Variants in IFT122 observed in about 807,000 individuals in gnomAD.
The protein encoded by IFT122 is intraflagellar transport 122.
A neutral mutation model predicts 161.6 loss-of-function variants in IFT122; 118 were observed. The observed-to-expected ratio is 0.73, with a 90% confidence interval of 0.63 to 0.85. The LOEUF is 0.85. IFT122 is among the 40% of genes least tolerant of loss of function. IFT122 has a pLI of 0.00. For synonymous variants in IFT122, 550 were observed against 602.4 expected, an observed-to-expected ratio of 0.91 and a Z score of 1.27; for missense variants, 1,381 against 1,579.6, an observed-to-expected ratio of 0.87 and a Z score of 2.13.
intron 18 of IFT122, among the ~76,000 whole-genome samples, chr3:129,499,631 A>C (rs907424630): frequency 3.9e-5 from 6 of 152,224 alleles, no homozygotes; most frequent in African/African-American, 1.4e-4. Flanking sequence ...CGATGAACAA[A>C]TGCCCATTTG....
rs750912015 is a variant in IFT122, at chr3:129,504,399, T to C, written c.2628T>C (p.Asp876=). 1.1e-5 allele frequency: 18 copies of C among 1,613,906 alleles called. No individual in the cohort carries two copies. Among genetic ancestry groups the C allele is most frequent in the Non-Finnish European group, 1.4e-5 (17 of 1,179,900 alleles). The change falls in exon 21 of 30, where the codon GAT becomes GAC. Residue 876 remains aspartate, a synonymous_variant. Transcript: ENST00000348417. ...MPYAQWLAEN[D]RFEEAQKAFH... The stretch of plus-strand genomic sequence containing the variant: ...ATGCTCAGTGGCTAGCAGAGAACGA[T>C]CGCTTTGAGGAAGCCCAGAAAGGTA...
intron 24 of IFT122, chr3:129,514,114 A>G (rs2083172017): frequency 5.8e-6 from 3 of 517,030 alleles, no homozygotes; most frequent in South Asian, 1.8e-5. Context: ...TAGTCAGGGT[A>G]TAAGATGAGC....
At chr3:129,490,672 C>T (rs992313397) in intron 16 of IFT122, among the ~76,000 whole-genome samples, 5 of 152,198 alleles carry the variant, frequency 3.3e-5, no homozygotes, top group African/African-American at 1.2e-4. Flanking sequence ...AGGCTCAGAG[C>T]GAGGACTCAG....
At chr3:129,481,788 C>A in intron 14 of IFT122, 94 bp downstream of exon 14, 1 of 1,409,264 alleles carries the variant, frequency 7.1e-7, no homozygotes, top group Non-Finnish European at 1.0e-6. Flanking sequence ...CTGCTCTGGC[C>A]CAGGCAGGTC....
chr3:129,514,853 C>G, intron 25 of IFT122: 1 of 518,056 alleles, frequency 1.9e-6, no homozygotes, highest in Non-Finnish European at 3.5e-6. Flanking sequence ...GCCCAGGTGG[C>G]TCTGCCTTTA....
chr3:129,454,149 T>C (rs978376216), intron 3 of IFT122, among the ~76,000 whole-genome samples: 2 of 152,184 alleles, frequency 1.3e-5, no homozygotes, highest in Non-Finnish European at 2.9e-5. Flanking sequence ...AAATTCTTCA[T>C]GTGTATGCAG....
chr3:129,517,716 C>G (rs1449842582), intron 27 of IFT122, 122 bp downstream of exon 27: 36 of 1,337,524 alleles, frequency 2.7e-5, no homozygotes, highest in South Asian at 3.5e-5. Context: ...CCCTGTGTTC[C>G]CAGAGAGATT....
intron 9 of IFT122, among the ~76,000 whole-genome samples, chr3:129,469,968 TAGAC>T (rs769768700): frequency 5.9e-5 from 9 of 152,286 alleles, no homozygotes; most frequent in Non-Finnish European, 8.8e-5. Context: ...GCTGTACAGA[TAGAC>T]AGCTTTTTGG....
rs1030683192 is a variant in IFT122 at position 129,440,275 on chromosome 3, TGCTGAGACAGAC to T, written c.-49_-38del. On this transcript the variant is annotated 5_prime_UTR_variant, in exon 1 of 30. Coordinates refer to ENST00000348417, the MANE Select transcript of IFT122 (RefSeq NM_052989.3). ...GAGTGGCGACCGTTAGTGAGGCGGT[TGCTGAGACAGAC>T]GCTGAGGCGGGTAGGAGGAGCCCGA... 1.4e-5 allele frequency: 22 copies of T among 1,548,212 alleles called. No individual in the cohort carries two copies. The African/African-American group carries it at 2.5e-4, about 17-fold the overall frequency.
chr3:129,492,005 G>T (rs1443177255), intron 16 of IFT122, 136 bp from the exon 17 acceptor site: 1 of 773,684 alleles, frequency 1.3e-6, no homozygotes, highest in Admixed American at 1.7e-5. Context: ...CACGCACGAT[G>T]ATTAATCTGT....
At chr3:129,454,837 GTCC>G (rs1490364096) in intron 3 of IFT122, among the ~76,000 whole-genome samples, 1 of 152,100 alleles carries the variant, frequency 6.6e-6, no homozygotes, top group Non-Finnish European at 1.5e-5. Flanking sequence ...ACTTTGCAGA[GTCC>G]TGTCACACAC....
chr3:129,476,783 C>A lies in IFT122; in HGVS notation c.1129C>A (p.Leu377Met). 6.2e-7 allele frequency: 1 copy of A among 1,614,132 alleles called. No individual in the cohort carries two copies. Among genetic ancestry groups the A allele is most frequent in the South Asian group, 1.1e-5 (1 of 91,072 alleles). ...DSMTDVIVQH[L>M]ITEQKVRIKC... is the part of the protein sequence containing the mutation. Reference sequence around the variant, plus strand: ...CATGACTGACGTCATTGTGCAGCACCTGATCACTGAGCAGAAAGGTAAGAG... The same window carrying A: ...CATGACTGACGTCATTGTGCAGCACATGATCACTGAGCAGAAAGGTAAGAG... The change falls in exon 11 of 30, where the codon CTG (leucine) becomes ATG (methionine). Residue 377 changes from leucine to methionine, a missense_variant. By Grantham distance (15) the Leu-to-Met change is conservative. Around this residue, in one of 7 missense-constraint regions of IFT122, gnomAD observed 544 missense variants for 648.0 expected, o/e 0.84. Coordinates refer to ENST00000348417, the MANE Select transcript of IFT122 (RefSeq NM_052989.3).
In IFT122 at chr3:129,481,673, C is replaced by T. The variant is rs2078662176; in HGVS notation, c.1632C>T (p.Asp544=). 1 of 1,614,074 alleles carries T rather than the reference C, an allele frequency of 6.2e-7. No individual in the cohort carries two copies. Among genetic ancestry groups the T allele is most frequent in the Non-Finnish European group, 8.5e-7 (1 of 1,179,950 alleles). The change falls in exon 14 of 30, where the codon GAC becomes GAT. Residue 544 remains aspartate, a synonymous_variant. Coordinates refer to ENST00000348417, the MANE Select transcript of IFT122 (RefSeq NM_052989.3). ...ACACTTGCCTGGTGTATGACATCGA[C>T]ACCAAGGAGCTGCTTTTTCAGGTGA... ...ENDTCLVYDI[D]TKELLFQEPN...
chr3:129,494,422 A>C (rs1389429804), intron 17 of IFT122, among the ~76,000 whole-genome samples: 1 of 152,058 alleles, frequency 6.6e-6, no homozygotes, highest in African/African-American at 2.4e-5. Flanking sequence ...GATGAGCCTG[A>C]GCTGTGTGCA....
In IFT122 at chr3:129,451,958, A is replaced by T. The variant is rs1363365596; in HGVS notation, c.153A>T (p.Gly51=). The stretch of plus-strand genomic sequence containing the variant: ...GCACCTTACTTCAGCCCCTCAAGGG[A>T]CACAAAGACACTGTGTACTGTGTGG... ...SDGTLLQPLK[G]HKDTVYCVAY... is the part of the protein sequence containing the mutation. The change falls in exon 3 of 30, where the codon GGA becomes GGT. Residue 51 remains glycine (G), a synonymous_variant. Transcript: ENST00000348417. The T allele has an allele frequency of 6.2e-7, 1 of 1,614,082 alleles. No individual in the cohort carries two copies. The highest frequency in any genetic ancestry group is 1.3e-5 in the African/African-American group (1 of 75,062).
Position 129,492,145 on chromosome 3 carries a change from T to C in IFT122, c.1997T>C (p.Phe666Ser). Reference protein sequence around the residue: ...GLDFETAKKAFIRVQDLRYLE... With the variant: ...GLDFETAKKASIRVQDLRYLE... ...TTCTTTATTTCTTCGCCACAGGCCT[T>C]CATCAGAGTACAAGACCTCCGATAT... The change falls in exon 17 of 30, where the codon TTC (phenylalanine) becomes TCC (serine). Residue 666 changes from phenylalanine to serine, a missense_variant. This residue lies in a region of IFT122 where 496 missense variants were observed against 502.5 expected (regional missense o/e 0.99). Coordinates refer to ENST00000348417, the MANE Select transcript of IFT122 (RefSeq NM_052989.3). The C allele has an allele frequency of 6.2e-7, 1 of 1,611,682 alleles. No homozygotes were observed. Among genetic ancestry groups the C allele is most frequent in the Non-Finnish European group, 8.5e-7 (1 of 1,177,950 alleles).
chr3:129,491,032 G>A (rs1457560084), intron 16 of IFT122, among the ~76,000 whole-genome samples: 2 of 152,214 alleles, frequency 1.3e-5, no homozygotes, highest in Non-Finnish European at 2.9e-5. Flanking sequence ...TAATTGACCA[G>A]CTTTCCCTGT....
intron 1 of IFT122, among the ~76,000 whole-genome samples, chr3:129,445,724 C>T (rs558671918): frequency 3.9e-5 from 6 of 152,198 alleles, no homozygotes; most frequent in Admixed American, 2.6e-4. Flanking sequence ...AGGCAAACTA[C>T]TTGACCTCTC....
intron 2 of IFT122, among the ~76,000 whole-genome samples, chr3:129,450,470 A>G (rs1027571810): frequency 1.3e-5 from 2 of 152,132 alleles, no homozygotes; most frequent in African/African-American, 4.8e-5. Flanking sequence ...CCTTTGTATG[A>G]TCTCTCTTTC....
Sources: allele counts gnomAD v4.1 joint callset (sites outside exome capture counted in the v4.1 genomes callset), GRCh38; gene constraint gnomAD v4.1.1; regional missense constraint gnomAD v4.1.1; transcripts MANE v1.5; gene names NCBI Gene and HGNC (gene_info 2026-07-23, HGNC 2026-07-21).